Variants in KIAA1328 observed in about 807,000 individuals in gnomAD.
KIAA1328 encodes KIAA1328.
In KIAA1328, 52 loss-of-function variants were observed where a neutral mutation model predicts 68.1. The observed-to-expected ratio is 0.76, with a 90% CI of 0.61 to 0.96. KIAA1328 has a LOEUF of 0.96. Among genes scored for constraint, KIAA1328 ranks in the 40% least tolerant of loss-of-function variants. KIAA1328 has a pLI of 0.00. For synonymous variants in KIAA1328, 232 were observed against 239.4 expected, an observed-to-expected ratio of 0.97 and a Z score of 0.28; for missense variants, 641 against 677.6, an observed-to-expected ratio of 0.95 and a Z score of 0.60.
chr18:37,012,398 T>C (rs2054008820), intron 6 of KIAA1328, among the ~76,000 whole-genome samples: 1 of 152,202 alleles, frequency 6.6e-6, no homozygotes, highest in South Asian at 2.1e-4. Context: ...TGGGATGTCA[T>C]TGCTGGGAAG....
intron 4 of KIAA1328, among the ~76,000 whole-genome samples, chr18:36,861,870 A>T (rs1459350379): frequency 2.0e-5 from 3 of 151,804 alleles, no homozygotes; most frequent in Non-Finnish European, 4.4e-5. Context: ...AAAAATCATC[A>T]TGTTGCCCAG....
chr18:37,019,022 T>G (rs769182450), intron 6 of KIAA1328, among the ~76,000 whole-genome samples: 4 of 152,230 alleles, frequency 2.6e-5, no homozygotes, highest in Non-Finnish European at 4.4e-5. Context: ...CCAGAATTCA[T>G]GCTCTGATTC....
At chr18:36,947,676 A>C (rs2050957686) in intron 5 of KIAA1328, among the ~76,000 whole-genome samples, 1 of 152,174 alleles carries the variant, frequency 6.6e-6, no homozygotes, top group Non-Finnish European at 1.5e-5. Context: ...CAAATGTTTC[A>C]AAGGTGCTAG....
downstream of KIAA1328, among the ~76,000 whole-genome samples, chr18:37,228,543 G>A (rs760079963): frequency 1.4e-4 from 22 of 152,294 alleles, no homozygotes; most frequent in Non-Finnish European, 2.5e-4. Context: ...CCCCCAGCCC[G>A]GCATGGTGGC....
intron 6 of KIAA1328, among the ~76,000 whole-genome samples, chr18:37,059,494 A>T (rs1162654269): frequency 1.3e-5 from 2 of 152,224 alleles, no homozygotes; most frequent in Admixed American, 1.3e-4. Context: ...ATGAGATACC[A>T]TCTCATACCA....
intron 7 of KIAA1328, among the ~76,000 whole-genome samples, chr18:37,111,437 A>G (rs2057927084): frequency 6.6e-6 from 1 of 152,236 alleles, no homozygotes; most frequent in African/African-American, 2.4e-5. Flanking sequence ...ACTTTAGTCC[A>G]GCCAAGTTGA....
intron 9 of KIAA1328, among the ~76,000 whole-genome samples, chr18:37,199,603 A>G (rs2060069200): frequency 6.6e-6 from 1 of 152,172 alleles, no homozygotes; most frequent in Non-Finnish European, 1.5e-5. Context: ...TCTTTTGGGT[A>G]TATACCCAGT....
At chr18:36,970,895 A>C (rs187028435) in intron 6 of KIAA1328, among the ~76,000 whole-genome samples, 2 of 152,356 alleles carry the variant, frequency 1.3e-5, no homozygotes, top group East Asian at 3.9e-4. Flanking sequence ...TTGTTGACTC[A>C]ATGCTATCCC....
At chr18:37,133,326 A>AT (rs1233973384) in intron 7 of KIAA1328, among the ~76,000 whole-genome samples, 1 of 151,702 alleles carries the variant, frequency 6.6e-6, no homozygotes, top group Non-Finnish European at 1.5e-5. Flanking sequence ...GAAAAAAAAA[A>AT]AAAAACTACC....
intron 7 of KIAA1328, among the ~76,000 whole-genome samples, chr18:37,123,479 T>C (rs993856294): frequency 1.3e-5 from 2 of 152,130 alleles, no homozygotes; most frequent in African/African-American, 4.8e-5. Flanking sequence ...ATCATGCAAA[T>C]ACAATTTATT....
intron 7 of KIAA1328, among the ~76,000 whole-genome samples, chr18:37,147,951 A>G (rs2058940965): frequency 6.6e-6 from 1 of 152,096 alleles, no homozygotes; most frequent in African/African-American, 2.4e-5. Flanking sequence ...CTAGGCTACA[A>G]ACTTGTAGGG....
intron 6 of KIAA1328, among the ~76,000 whole-genome samples, chr18:36,976,924 T>C (rs2052495154): frequency 6.6e-6 from 1 of 152,224 alleles, no homozygotes; most frequent in African/African-American, 2.4e-5. Flanking sequence ...TCAATTTTTC[T>C]AAGTAAATTT....
intron 6 of KIAA1328, among the ~76,000 whole-genome samples, chr18:37,046,958 C>G (rs1389551251): frequency 2.0e-5 from 3 of 152,180 alleles, no homozygotes. Flanking sequence ...CAGTGAAACC[C>G]CATCTCTACT....
chr18:37,119,291 G>A (rs1279317183), intron 7 of KIAA1328, among the ~76,000 whole-genome samples: 2 of 152,006 alleles, frequency 1.3e-5, no homozygotes, highest in Admixed American at 6.6e-5. Context: ...GAATGCTGTG[G>A]TACTAGTTTA....
intron 6 of KIAA1328, among the ~76,000 whole-genome samples, chr18:36,964,444 C>T (rs1357882660): frequency 6.6e-6 from 1 of 152,162 alleles, no homozygotes; most frequent in Non-Finnish European, 1.5e-5. Flanking sequence ...ATTCGTTACT[C>T]TCTGTGCCTT....
At chr18:36,832,289 A>G (rs1357434450) in intron 1 of KIAA1328, among the ~76,000 whole-genome samples, 1 of 152,204 alleles carries the variant, frequency 6.6e-6, no homozygotes, top group African/African-American at 2.4e-5. Context: ...TGTAGCTGAA[A>G]GTAAAAGGTT....
intron 5 of KIAA1328, among the ~76,000 whole-genome samples, chr18:36,951,627 C>T (rs749547446): frequency 3.9e-4 from 59 of 152,270 alleles, no homozygotes; most frequent in Non-Finnish European, 7.6e-4. Context: ...GTCCCCTCTT[C>T]GCTATCTCCA....
chr18:37,189,293 G>A lies in KIAA1328; in HGVS notation c.1523+16212G>A, dbSNP rs57621910. ...GAGAGAAGCAAATGTAGTAGGGAAA[G>A]CTATCAGTATAAGGACAAGTCTAGA... On this transcript the variant is annotated intron_variant, in intron 9 of 9. Transcript: ENST00000280020. Among the ~76,000 whole-genome samples the A allele has an allele frequency of 3.9e-5, 6 of 152,148 alleles. No individual in the cohort carries two copies. In the East Asian group the frequency reaches 1.2e-3, roughly 29 times the overall value.
At chr18:36,891,518 C>T (rs972846398) in intron 5 of KIAA1328, among the ~76,000 whole-genome samples, 7 of 152,190 alleles carry the variant, frequency 4.6e-5, no homozygotes, top group Admixed American at 6.5e-5. Flanking sequence ...GCCTTTGCAG[C>T]CTCATAACTT....
Sources: allele counts gnomAD v4.1 joint callset (sites outside exome capture counted in the v4.1 genomes callset), GRCh38; gene constraint gnomAD v4.1.1; transcripts MANE v1.5; gene names NCBI Gene and HGNC (gene_info 2026-07-23, HGNC 2026-07-21).